The following SPIDR variants were observed in gnomAD, a reference collection of about 807,000 sequenced individuals.
SPIDR encodes the protein scaffold protein involved in DNA repair, also known as DNA repair-scaffolding protein.
A neutral mutation model predicts 104.6 loss-of-function variants in SPIDR; 93 were observed. The observed-to-expected ratio is 0.89, with a 90% CI of 0.75 to 1.06. The LOEUF (loss-of-function observed/expected upper bound fraction) is 1.06, where lower values mean the gene tolerates loss of function less well. Ranked by LOEUF, SPIDR falls within the 50% of genes least tolerant of loss-of-function variation. The probability of loss-of-function intolerance (pLI) is 0.00; values close to 1 mark genes in which losing one functional copy is unlikely to be tolerated. For synonymous variants in SPIDR, 431 were observed against 416.9 expected (o/e 1.03, Z -0.41); for missense variants, 1,154 against 1,111.2 (o/e 1.04, Z -0.55).
At chr8:47,712,215 G>A (rs1426080333) in intron 14 of SPIDR, among the ~76,000 whole-genome samples, 3 of 152,116 alleles carry the variant, frequency 2.0e-5, no homozygotes, top group South Asian at 2.1e-4. Context: ...ACAAATATGC[G>A]ACACCAGCTT....
chr8:47,562,681 T>G (rs1386702687), intron 8 of SPIDR, among the ~76,000 whole-genome samples: 1 of 152,188 alleles, frequency 6.6e-6, no homozygotes, highest in Non-Finnish European at 1.5e-5. Context: ...TGGTTGCCGC[T>G]GTTTCATTTT....
At chr8:47,403,055 A>G (rs2062138293) in intron 6 of SPIDR, among the ~76,000 whole-genome samples, 1 of 152,226 alleles carries the variant, frequency 6.6e-6, no homozygotes, top group Admixed American at 6.5e-5. Flanking sequence ...CAGCATACGC[A>G]AATCAGTAAA....
intron 5 of SPIDR, among the ~76,000 whole-genome samples, chr8:47,306,005 A>G (rs914035388): frequency 2.6e-5 from 4 of 152,236 alleles, no homozygotes; most frequent in African/African-American, 9.6e-5. Context: ...GCTCCTGGCA[A>G]CCACCATTCT....
intron 14 of SPIDR, among the ~76,000 whole-genome samples, chr8:47,710,695 C>T (rs1444808766): frequency 2.0e-5 from 3 of 152,000 alleles, no homozygotes; most frequent in Non-Finnish European, 4.4e-5. Flanking sequence ...CTTGAACTCC[C>T]GACCTCAGGT....
intron 5 of SPIDR, among the ~76,000 whole-genome samples, chr8:47,343,699 A>C (rs1378143541): frequency 6.6e-6 from 1 of 152,178 alleles, no homozygotes; most frequent in Non-Finnish European, 1.5e-5. Flanking sequence ...AAAGTGTGGA[A>C]GGACATCCTG....
intron 15 of SPIDR, chr8:47,713,113 C>G (rs1394663357): frequency 9.8e-7 from 1 of 1,023,990 alleles, no homozygotes; most frequent in African/African-American, 1.6e-5. Context: ...GGTGGCACCC[C>G]ATACTGCTGC....
intron 7 of SPIDR, among the ~76,000 whole-genome samples, chr8:47,431,001 A>T (rs529932238): frequency 6.6e-6 from 1 of 152,310 alleles, no homozygotes; most frequent in South Asian, 2.1e-4. Context: ...TATGTATCGC[A>T]TTGTCCCATC....
intron 8 of SPIDR, among the ~76,000 whole-genome samples, chr8:47,570,942 T>C (rs1427882129): frequency 5.9e-5 from 9 of 151,976 alleles, no homozygotes; most frequent in Non-Finnish European, 1.3e-4. Context: ...AATACAAAAA[T>C]TAGCCAGGTG....
intron 5 of SPIDR, among the ~76,000 whole-genome samples, chr8:47,366,337 A>G (rs1563754531): frequency 6.6e-6 from 1 of 152,062 alleles, no homozygotes; most frequent in Admixed American, 6.6e-5. Context: ...AGGAGCTTGG[A>G]TAGCTGTGAT....
intron 7 of SPIDR, among the ~76,000 whole-genome samples, chr8:47,431,388 G>A (rs1554689191): frequency 6.6e-6 from 1 of 152,214 alleles, no homozygotes; most frequent in East Asian, 1.9e-4. Context: ...CACCCCTGTT[G>A]TTTGGCTTAA....
intron 5 of SPIDR, among the ~76,000 whole-genome samples, chr8:47,385,236 A>G (rs2059748951): frequency 6.6e-6 from 1 of 151,960 alleles, no homozygotes; most frequent in Non-Finnish European, 1.5e-5. Context: ...GTTCTTCTGT[A>G]TTTTTTTGTT....
At chr8:47,307,274 G>A (rs1412771182) in intron 5 of SPIDR, among the ~76,000 whole-genome samples, 1 of 150,750 alleles carries the variant, frequency 6.6e-6, no homozygotes, top group Non-Finnish European at 1.5e-5. Flanking sequence ...AGGCTGGAGT[G>A]CAGTGGCATG....
At chr8:47,378,841 C>G (rs574674846) in intron 5 of SPIDR, among the ~76,000 whole-genome samples, 1 of 152,160 alleles carries the variant, frequency 6.6e-6, no homozygotes, top group East Asian at 1.9e-4. Flanking sequence ...GGCCCTGGGA[C>G]TCTGAAATAA....
At chr8:47,333,529 C>G (rs1554606160) in intron 5 of SPIDR, among the ~76,000 whole-genome samples, 1 of 151,970 alleles carries the variant, frequency 6.6e-6, no homozygotes, top group South Asian at 2.1e-4. Flanking sequence ...GTCTCAAACT[C>G]CTGACCTCAG....
chr8:47,729,549 C>T (rs974981587), intron 19 of SPIDR, 84 bp downstream of exon 19: 3 of 1,469,366 alleles, frequency 2.0e-6, no homozygotes, highest in East Asian at 4.9e-5. Flanking sequence ...CCCCCACTCC[C>T]AAATGTGTTC....
chr8:47,382,599 G>A (rs1181798110), intron 5 of SPIDR, among the ~76,000 whole-genome samples: 1 of 152,048 alleles, frequency 6.6e-6, no homozygotes, highest in African/African-American at 2.4e-5. Context: ...TTTTAGTAGA[G>A]ACGTGGTTTC....
At chr8:47,656,476 G>A (rs934775633) in intron 10 of SPIDR, among the ~76,000 whole-genome samples, 2 of 152,168 alleles carry the variant, frequency 1.3e-5, no homozygotes, top group African/African-American at 4.8e-5. Flanking sequence ...ACAGTCACTA[G>A]GATGGCAATA....
intron 16 of SPIDR, among the ~76,000 whole-genome samples, chr8:47,716,590 G>A (rs191056202): frequency 6.6e-6 from 1 of 152,302 alleles, no homozygotes; most frequent in Non-Finnish European, 1.5e-5. Context: ...TGCTCAGGAG[G>A]CTTTGGGGGC....
intron 5 of SPIDR, among the ~76,000 whole-genome samples, chr8:47,365,584 A>T (rs1554633970): frequency 6.6e-6 from 1 of 152,172 alleles, no homozygotes; most frequent in African/African-American, 2.4e-5. Context: ...GTGAAAATGC[A>T]CATTTTCCAA....
Sources: gnomAD v4.1 joint callset for allele counts (sites outside exome capture counted in the v4.1 genomes callset) on GRCh38, gnomAD v4.1.1 for gene constraint, MANE v1.5 for transcripts, NCBI Gene and HGNC (gene_info 2026-07-23, HGNC 2026-07-21) for gene names.